AGO3: variants seen among roughly 807,000 people sequenced by gnomAD.
AGO3 encodes the protein argonaute RISC catalytic component 3.
A neutral mutation model predicts 105.5 loss-of-function variants in AGO3; 16 were observed. The ratio of observed to expected loss-of-function variants is 0.15; its 90% CI spans 0.10 to 0.23. The LOEUF is 0.23. Ranked by LOEUF, AGO3 falls within the 10% of genes least tolerant of loss-of-function variation. The pLI is 1.00. For missense variants in AGO3, 534 were observed against 1,088.0 expected, an observed-to-expected ratio of 0.49 and a Z score of 7.16; for synonymous variants, 340 against 367.3, an observed-to-expected ratio of 0.93 and a Z score of 0.85.
chr1:36,071,407 C>T lies in AGO3; in HGVS notation c.*15662C>T, dbSNP rs1321662037. ...TTACCGTGTGTGCCTATTTGTATTG[C>T]AGATGTGAACTACTATTTTTGGAGG... On this transcript the variant is annotated 3_prime_UTR_variant, in exon 19 of 19. Coordinates refer to ENST00000373191, the MANE Select transcript of AGO3 (RefSeq NM_024852.4). 4 of 152,180 alleles carry T rather than the reference C, an allele frequency of 2.6e-5. No homozygotes were observed. The highest frequency in any genetic ancestry group is 6.5e-5 in the Admixed American group (1 of 15,268). The allele number at this position is 152,180 out of a possible 1,614,324, so 9.4% of individuals were successfully genotyped here.
rs1642975243 is a variant in AGO3, at chr1:36,057,916, G to A, written c.*2171G>A. On this transcript the variant is annotated 3_prime_UTR_variant, in exon 19 of 19. Transcript: ENST00000373191. ...TTGAACCTAGGAGGCGGAAGTTACA[G>A]TGAGCCAAGACTGCACCATTGCACT... 6.6e-6 allele frequency: 1 copy of A among 152,060 alleles called. No homozygotes were observed. The highest frequency in any genetic ancestry group is 2.4e-5 in the African/African-American group (1 of 41,386). The allele number at this position is 152,060 out of a possible 1,614,324, so 9.4% of individuals were successfully genotyped here.
At chr1:35,995,523 A>G (rs911988269) in intron 5 of AGO3, among the ~76,000 whole-genome samples, 2 of 152,114 alleles carry the variant, frequency 1.3e-5, no homozygotes, top group Non-Finnish European at 2.9e-5. Flanking sequence ...TCTTCTCAGT[A>G]AATGATGTAA....
intron 5 of AGO3, among the ~76,000 whole-genome samples, chr1:35,985,214 C>T (rs1185172372): frequency 6.6e-6 from 1 of 151,988 alleles, no homozygotes; most frequent in Non-Finnish European, 1.5e-5. Context: ...GCCCAGAAGT[C>T]GAGGCTGCAG....
chr1:35,988,680 C>T (rs1235250071), intron 5 of AGO3, among the ~76,000 whole-genome samples: 3 of 151,902 alleles, frequency 2.0e-5, no homozygotes, highest in Non-Finnish European at 4.4e-5. Flanking sequence ...ATTTGTCTGT[C>T]GATGGTCGCT....
intron 5 of AGO3, among the ~76,000 whole-genome samples, chr1:36,001,671 AAC>A (rs2148806234): frequency 6.6e-6 from 1 of 152,342 alleles, no homozygotes; most frequent in South Asian, 2.1e-4. Flanking sequence ...TGAGTCATAG[AAC>A]AGTTATCTGA....
intron 8 of AGO3, 42 bp downstream of exon 8, chr1:36,009,086 A>ATTATTTTTTTTTT (rs1569754670): frequency 2.0e-6 from 3 of 1,481,362 alleles, no homozygotes; most frequent in East Asian, 4.0e-5. Flanking sequence ...GTTGTTCATG[A>ATTATTTTTTTTTT]TTCTTTTGGG....
intron 5 of AGO3, among the ~76,000 whole-genome samples, chr1:35,978,258 C>T (rs1449322071): frequency 2.0e-5 from 3 of 152,048 alleles, no homozygotes; most frequent in Admixed American, 6.6e-5. Context: ...GGCTCGATCT[C>T]GACTCACTGC....
chr1:35,945,006 G>T (rs1181041418), intron 1 of AGO3, among the ~76,000 whole-genome samples: 1 of 151,948 alleles, frequency 6.6e-6, no homozygotes, highest in Non-Finnish European at 1.5e-5. Context: ...GTTTTGCCTT[G>T]TTGCCCATGG....
At chr1:36,022,787 C>T (rs1641298661) in intron 11 of AGO3, among the ~76,000 whole-genome samples, 1 of 151,968 alleles carries the variant, frequency 6.6e-6, no homozygotes, top group South Asian at 2.1e-4. Context: ...CAAAAATTAG[C>T]CGGGCCTGGT....
chr1:35,987,896 C>T lies in AGO3; in HGVS notation c.658+14385C>T, dbSNP rs573094345. ...CAGCCTGACCAACATGGTGAAACCCCGTCTCTACTAAAAATACAAAAATCA... is the reference window on the plus strand; with the variant it reads ...CAGCCTGACCAACATGGTGAAACCCTGTCTCTACTAAAAATACAAAAATCA... On this transcript the variant is annotated intron_variant, in intron 5 of 18. Coordinates refer to ENST00000373191, the MANE Select transcript of AGO3 (RefSeq NM_024852.4). 3.9e-3 allele frequency among the ~76,000 whole-genome samples: 599 copies of T among 151,898 alleles called. 1 individual carries two copies. Among genetic ancestry groups the T allele is most frequent in the Non-Finnish European group, 6.4e-3 (432 of 67,912 alleles).
chr1:35,952,469 T>C (rs773891547), intron 2 of AGO3, among the ~76,000 whole-genome samples: 2 of 152,134 alleles, frequency 1.3e-5, no homozygotes, highest in Non-Finnish European at 2.9e-5. Flanking sequence ...TGGAATCATA[T>C]ACCATGTGGC....
At chr1:36,007,346 T>C (rs1640385081) in intron 6 of AGO3, among the ~76,000 whole-genome samples, 1 of 152,190 alleles carries the variant, frequency 6.6e-6, no homozygotes, top group Non-Finnish European at 1.5e-5. Context: ...GTGTACCTGT[T>C]AACTCTTCTC....
chr1:35,984,276 A>C (rs1385162060), intron 5 of AGO3, among the ~76,000 whole-genome samples: 1 of 152,182 alleles, frequency 6.6e-6, no homozygotes, highest in African/African-American at 2.4e-5. Context: ...TGCAGGCTGC[A>C]GTGAGCTGTA....
rs895317312 is a variant in AGO3, at chr1:36,068,044, T to C, written c.*12299T>C. The C allele has an allele frequency of 5.9e-5, 9 of 152,344 alleles. No homozygotes were observed. Among genetic ancestry groups the C allele is most frequent in the Admixed American group, 5.2e-4 (8 of 15,296 alleles). 9.4% of individuals were successfully genotyped at this position (152,344 alleles called of 1,614,324 possible). On this transcript the variant is annotated 3_prime_UTR_variant, in exon 19 of 19. Coordinates refer to ENST00000373191, the MANE Select transcript of AGO3 (RefSeq NM_024852.4). Reference sequence around the variant, plus strand: ...ACTTACTAGAGTGCCACCATTCTTATTTGTAATACAATCAGTGTTTTATGC... The same window carrying C: ...ACTTACTAGAGTGCCACCATTCTTACTTGTAATACAATCAGTGTTTTATGC...
intron 5 of AGO3, chr1:35,982,830 G>C (rs1246953864): frequency 2.0e-6 from 1 of 497,274 alleles, no homozygotes; most frequent in Non-Finnish European, 3.6e-6. Context: ...ACATGGAACG[G>C]ATTGGAAAAA....
At chr1:35,967,883 T>C (rs188294232) in intron 3 of AGO3, among the ~76,000 whole-genome samples, 6 of 152,286 alleles carry the variant, frequency 3.9e-5, no homozygotes, top group Admixed American at 3.9e-4. Context: ...TTTTCTCCTC[T>C]GTTACAGAAT....
chr1:36,005,903 G>T, intron 6 of AGO3: 2 of 984,630 alleles, frequency 2.0e-6, no homozygotes, highest in Non-Finnish European at 2.4e-6. Flanking sequence ...AGCCAAAAGT[G>T]TTTTTTTGGT....
intron 3 of AGO3, among the ~76,000 whole-genome samples, chr1:35,969,820 C>G (rs989999843): frequency 1.3e-5 from 2 of 152,096 alleles, no homozygotes; most frequent in Admixed American, 1.3e-4. Flanking sequence ...GTTACTATAC[C>G]GAATACTGTA....
chr1:35,976,798 T>G (rs1031016041), intron 5 of AGO3, among the ~76,000 whole-genome samples: 1 of 152,204 alleles, frequency 6.6e-6, no homozygotes, highest in Non-Finnish European at 1.5e-5. Flanking sequence ...CTTTTATAAA[T>G]TAACATGCAG....
Sources: gnomAD v4.1 joint callset for allele counts (sites outside exome capture counted in the v4.1 genomes callset) on GRCh38, gnomAD v4.1.1 for gene constraint, MANE v1.5 for transcripts, NCBI Gene and HGNC (gene_info 2026-07-23, HGNC 2026-07-21) for gene names.